VPS36: variants seen among roughly 807,000 people sequenced by gnomAD.
VPS36 encodes the protein vacuolar protein sorting 36 homolog, also known as vacuolar protein-sorting-associated protein 36.
A neutral mutation model predicts 63.5 loss-of-function variants in VPS36; 31 were observed. The observed-to-expected ratio is 0.49, with a 90% CI of 0.37 to 0.66. VPS36 has a LOEUF of 0.66. VPS36 is among the 30% of genes least tolerant of loss of function. VPS36 has a pLI of 0.00. For missense variants in VPS36, 338 were observed against 463.7 expected, an observed-to-expected ratio of 0.73 and a Z score of 2.49; for synonymous variants, 138 against 157.2, an observed-to-expected ratio of 0.88 and a Z score of 0.91.
At chr13:52,441,437 T>C (rs763985181) in intron 2 of VPS36, among the ~76,000 whole-genome samples, 2 of 151,990 alleles carry the variant, frequency 1.3e-5, no homozygotes, top group African/African-American at 2.4e-5. Flanking sequence ...TACATATAAT[T>C]CTCCTCCTTC....
At chr13:52,443,809 A>G (rs536763679) in intron 1 of VPS36, among the ~76,000 whole-genome samples, 177 of 152,200 alleles carry the variant, frequency 1.2e-3, no homozygotes, top group Non-Finnish European at 2.1e-3. Flanking sequence ...ATGCCCTGAA[A>G]GTTACATAAA....
chr13:52,433,676 T>C lies in VPS36; in HGVS notation c.514A>G (p.Lys172Glu). 12 of 1,613,366 alleles carry C rather than the reference T, an allele frequency of 7.4e-6. No homozygotes were observed. Among genetic ancestry groups the C allele is most frequent in the Non-Finnish European group, 1.0e-5 (12 of 1,179,590 alleles). The change falls in exon 6 of 14, where the codon AAA becomes GAA. Residue 172 changes from lysine (K) to glutamate (E), a missense_variant. Lys to Glu is a moderately conservative substitution (Grantham distance 56, BLOSUM62 1). Transcript: ENST00000378060. ...KLEEKRKETDKNISEAFEDLS... is the reference protein window; with the variant it reads ...KLEEKRKETDENISEAFEDLS... ...TTAACAGTTACCTCAGAAATGTTTTTGTCAGTTTCTTTTCTTTTTTCTTCC... is the reference window on the plus strand; with the variant it reads ...TTAACAGTTACCTCAGAAATGTTTTCGTCAGTTTCTTTTCTTTTTTCTTCC...
chr13:52,428,477 A>G (rs775045529), intron 6 of VPS36, among the ~76,000 whole-genome samples: 2 of 152,232 alleles, frequency 1.3e-5, no homozygotes, highest in Admixed American at 6.5e-5. Context: ...ACTAAGGTTA[A>G]TAACTGAAAA....
At chr13:52,426,712 G>A (rs138361495) in intron 8 of VPS36, among the ~76,000 whole-genome samples, 14 of 152,188 alleles carry the variant, frequency 9.2e-5, no homozygotes, top group African/African-American at 2.6e-4. Flanking sequence ...AAAATTAGCC[G>A]GGCGTGGTGG....
intron 4 of VPS36, 107 bp downstream of exon 4, chr13:52,436,183 G>A (rs1352876430): frequency 1.5e-6 from 1 of 687,584 alleles, no homozygotes; most frequent in African/African-American, 1.8e-5. Flanking sequence ...CTGGTATGTT[G>A]TATAATACTA....
At chr13:52,429,300 A>T (rs1317342801) in intron 6 of VPS36, 5 of 985,138 alleles carry the variant, frequency 5.1e-6, no homozygotes, top group Non-Finnish European at 6.0e-6. Flanking sequence ...CCACTTCAGT[A>T]CTCTTGAATG....
chr13:52,421,560 C>T (rs1437869784), intron 10 of VPS36, among the ~76,000 whole-genome samples: 8 of 122,830 alleles, frequency 6.5e-5, no homozygotes, highest in Non-Finnish European at 1.1e-4. Context: ...TTTGCTCTGT[C>T]GCCTAGGCTA....
chr13:52,420,994 G>A (rs1398153260), intron 10 of VPS36, among the ~76,000 whole-genome samples: 1 of 152,062 alleles, frequency 6.6e-6, no homozygotes, highest in Non-Finnish European at 1.5e-5. Flanking sequence ...GGTGGCACAC[G>A]GCTGTAATCC....
chr13:52,420,082 A>T (rs909039217), intron 10 of VPS36, among the ~76,000 whole-genome samples: 1 of 151,912 alleles, frequency 6.6e-6, no homozygotes, highest in Non-Finnish European at 1.5e-5. Flanking sequence ...CTCTACTAAA[A>T]ATACAAAAAT....
intron 1 of VPS36, among the ~76,000 whole-genome samples, chr13:52,444,881 A>ATATATAT (rs1958322466): frequency 6.6e-6 from 1 of 152,216 alleles, no homozygotes; most frequent in African/African-American, 2.4e-5. Flanking sequence ...GTAACTCTGA[A>ATATATAT]CTATATATAA....
At chr13:52,437,129 C>T (rs973257569) in intron 3 of VPS36, among the ~76,000 whole-genome samples, 1 of 151,894 alleles carries the variant, frequency 6.6e-6, no homozygotes, top group African/African-American at 2.4e-5. Context: ...CAAAGTATCC[C>T]GGGTACCTAG....
At chr13:52,425,589 C>G (rs1329095453) in intron 9 of VPS36, among the ~76,000 whole-genome samples, 1 of 151,828 alleles carries the variant, frequency 6.6e-6, no homozygotes, top group Non-Finnish European at 1.5e-5. Flanking sequence ...GAAGATGAAT[C>G]TATATTATGG....
chr13:52,432,223 C>T lies in VPS36; in HGVS notation c.528+1439G>A, dbSNP rs183406048. On this transcript the variant is annotated intron_variant, in intron 6 of 13. Coordinates refer to ENST00000378060, the MANE Select transcript of VPS36 (RefSeq NM_016075.4). ...AAAATTAGCCAGGTTTGGTGGCGGG[C>T]GCCTATAGGCCCAGCTACTCGGGAG... Among the ~76,000 whole-genome samples the T allele has an allele frequency of 5.5e-3, 831 of 152,040 alleles. 2 individuals are homozygous for T. The highest frequency in any genetic ancestry group is 9.1e-3 in the Non-Finnish European group (620 of 67,964).
chr13:52,433,760 A>G lies in VPS36; in HGVS notation c.442-12T>C, dbSNP rs766192525. 1.3e-6 allele frequency: 2 copies of G among 1,587,710 alleles called. No individual in the cohort carries two copies. Among genetic ancestry groups the G allele is most frequent in the Admixed American group, 3.8e-5 (2 of 53,270 alleles). The stretch of plus-strand genomic sequence containing the variant: ...CTTATTCTTCCTGGCTGAAAAAAAA[A>G]AGAGGTAGAAAATAAAACATACAAA... On this transcript the variant is annotated splice_polypyrimidine_tract_variant and intron_variant, in intron 5 of 13. Coordinates refer to ENST00000378060, the MANE Select transcript of VPS36 (RefSeq NM_016075.4).
At chr13:52,448,784 A>T (rs1028971891) in intron 1 of VPS36, among the ~76,000 whole-genome samples, 2 of 152,336 alleles carry the variant, frequency 1.3e-5, no homozygotes, top group Middle Eastern at 3.4e-3. Flanking sequence ...ATAGAACAGT[A>T]TCATGCCATG....
intron 6 of VPS36, among the ~76,000 whole-genome samples, chr13:52,432,842 C>T (rs1006599765): frequency 2.0e-5 from 3 of 152,160 alleles, no homozygotes; most frequent in Admixed American, 2.0e-4. Flanking sequence ...CAACAGTAAT[C>T]TATATTTTCA....
At chr13:52,446,056 C>T (rs2137812071) in intron 1 of VPS36, among the ~76,000 whole-genome samples, 1 of 150,278 alleles carries the variant, frequency 6.7e-6, no homozygotes, top group South Asian at 2.1e-4. Context: ...CAAGACCAGC[C>T]TGACCAACAT....
At position 52,436,327 on chromosome 13, in the gene VPS36, T is replaced by C. The variant is rs748675244; in HGVS notation, c.314A>G (p.Tyr105Cys). 2 of 1,612,872 alleles carry C rather than the reference T, an allele frequency of 1.2e-6. No homozygotes were observed. Among genetic ancestry groups the C allele is most frequent in the Non-Finnish European group, 1.7e-6 (2 of 1,179,674 alleles). Residue 105 changes from tyrosine (Y) to cysteine (C), a missense_variant, in exon 4 of 14, where the codon TAC becomes TGC. By Grantham distance (194) the Tyr-to-Cys change is radical. Transcript: ENST00000378060. The stretch of plus-strand genomic sequence containing the variant: ...ATGTTCTTTGAAGGAGAGTTTGATG[T>C]AGGAGTTCTTACTACTCTGGAATGG... ...PGPFQSSKNSYIKLSFKEHGQ... is the reference protein window; with the variant it reads ...PGPFQSSKNSCIKLSFKEHGQ...
intron 1 of VPS36, among the ~76,000 whole-genome samples, chr13:52,446,838 C>T (rs1162279382): frequency 1.3e-5 from 2 of 150,480 alleles, no homozygotes; most frequent in East Asian, 3.9e-4. Flanking sequence ...AGTTAGCAGC[C>T]TATCATTGGC....
Sources: allele counts gnomAD v4.1 joint callset (sites outside exome capture counted in the v4.1 genomes callset), GRCh38; gene constraint gnomAD v4.1.1; transcripts MANE v1.5; gene names NCBI Gene and HGNC (gene_info 2026-07-23, HGNC 2026-07-21).